Variants in DDX52 observed in about 807,000 individuals in gnomAD.
The protein encoded by DDX52 is DExD-box helicase 52.
Under a neutral mutation model 76.1 loss-of-function variants are expected in DDX52, and 59 were observed. That is an observed-to-expected ratio of 0.78 (90% CI 0.63 to 0.96). The LOEUF (loss-of-function observed/expected upper bound fraction) is 0.96, where lower values mean the gene tolerates loss of function less well. Among genes scored for constraint, DDX52 ranks in the 40% least tolerant of loss-of-function variants. The pLI, the probability that DDX52 is intolerant of heterozygous loss-of-function variation, is 0.00. For synonymous variants in DDX52, 231 were observed against 244.1 expected, an observed-to-expected ratio of 0.95 and a Z score of 0.50; for missense variants, 707 against 703.9, an observed-to-expected ratio of 1.00 and a Z score of -0.05.
chr17:37,640,687 G>GA lies in DDX52; in HGVS notation c.286+1422dup, dbSNP rs11432784. 1.7e-3 allele frequency among the ~76,000 whole-genome samples: 172 copies of GA among 101,730 alleles called. 1 individual carries two copies. Among genetic ancestry groups the GA allele is most frequent in the South Asian group, 8.0e-3 (30 of 3,756 alleles). The allele number at this position is 101,730 out of a possible 152,430, so 66.7% of individuals were successfully genotyped here. On this transcript the variant is annotated intron_variant, in intron 2 of 14. Coordinates refer to ENST00000617633, the MANE Select transcript of DDX52 (RefSeq NM_007010.5). ...TAAACAGCCCTAGAGTACAGTACAA[G>GA]AAAAAAAAAAAAAAAAAAGGCCAGG...
chr17:37,631,822 C>T (rs1255832691), intron 4 of DDX52: 1 of 442,902 alleles, frequency 2.3e-6, no homozygotes, highest in Non-Finnish European at 4.0e-6. Context: ...GGTGCGAATA[C>T]AAAGTAGTTT....
intron 7 of DDX52, 49 bp downstream of exon 7, chr17:37,626,739 T>G (rs762189186): frequency 7.7e-6 from 12 of 1,557,800 alleles, no homozygotes; most frequent in Non-Finnish European, 9.6e-6. Flanking sequence ...CAAAATATAA[T>G]TAACTAAATT....
chr17:37,622,411 A>G (rs1330999989), intron 9 of DDX52, among the ~76,000 whole-genome samples: 3 of 151,766 alleles, frequency 2.0e-5, no homozygotes, highest in Non-Finnish European at 4.4e-5. Flanking sequence ...CTCCTGCCTC[A>G]GCCTCCTGAG....
At chr17:37,642,383 G>C in intron 1 of DDX52, 75 bp from the exon 2 acceptor site, 1 of 1,471,536 alleles carries the variant, frequency 6.8e-7, no homozygotes, top group Non-Finnish European at 9.2e-7. Context: ...ACTGTTCAAT[G>C]ACTCCTCATC....
intron 3 of DDX52, among the ~76,000 whole-genome samples, chr17:37,632,613 A>T (rs899540900): frequency 6.6e-6 from 1 of 152,218 alleles, no homozygotes; most frequent in African/African-American, 2.4e-5. Flanking sequence ...ACATACAAGT[A>T]TCATTGCTTT....
rs765607708 is a variant in DDX52 at position 37,625,896 on chromosome 17, T to C, written c.1135A>G (p.Arg379Gly). The change falls in exon 8 of 15, where the codon AGG (arginine) becomes GGG (glycine). Residue 379 changes from arginine to glycine, a missense_variant and splice_region_variant. Physicochemically the swap from Arg to Gly is moderately radical, Grantham distance 125. Coordinates refer to ENST00000617633, the MANE Select transcript of DDX52 (RefSeq NM_007010.5). ...TAATGTTGAGAAACAATTAAATACC[T>C]TGCTCCAATGGACACACTGATGACA... ...DNVISVSIGARNSAVETVEQE... is the reference protein window; with the variant it reads ...DNVISVSIGAGNSAVETVEQE... 3.7e-6 allele frequency: 6 copies of C among 1,613,900 alleles called. No homozygotes were observed. The East Asian group carries it at 1.1e-4, about 30-fold the overall frequency.
At chr17:37,633,941 T>A (rs995872278) in intron 2 of DDX52, among the ~76,000 whole-genome samples, 17 of 83,064 alleles carry the variant, frequency 2.0e-4, no homozygotes, top group Admixed American at 8.6e-4. Flanking sequence ...ATTTCTTTCC[T>A]TTTTTTTTTT....
At chr17:37,620,797 A>G in intron 12 of DDX52, 76 bp downstream of exon 12, 1 of 1,349,192 alleles carries the variant, frequency 7.4e-7, no homozygotes, top group Non-Finnish European at 9.9e-7. Context: ...TTTTGTAATT[A>G]TCTCTTAATT....
chr17:37,616,662 C>CAAAAAAAAAAAAAAAAAA (rs1188716926), intron 14 of DDX52, among the ~76,000 whole-genome samples: 8 of 122,420 alleles, frequency 6.5e-5, no homozygotes, highest in African/African-American at 2.2e-4. Context: ...GACTCCATCT[C>CAAAAAAAAAAAAAAAAAA]AAAAAAAAAA....
intron 1 of DDX52, chr17:37,643,125 T>C (rs934170325): frequency 2.2e-6 from 1 of 461,582 alleles, no homozygotes. Flanking sequence ...CAACTAGGTC[T>C]ACAACAGGAT....
rs1181992077 is a variant in DDX52, at chr17:37,624,441, A to G, written c.1137-7T>C. The G allele has an allele frequency of 6.3e-7, 1 of 1,599,076 alleles. No homozygotes were observed. Among genetic ancestry groups the G allele is most frequent in the Non-Finnish European group, 8.5e-7 (1 of 1,170,614 alleles). ...AGTTTCTACTGCAGAATTCCTGGGA[A>G]GAAAATATACCTTGTAGTTTGTAAG... On this transcript the variant is annotated splice_region_variant and splice_polypyrimidine_tract_variant and intron_variant, in intron 8 of 14. Coordinates refer to ENST00000617633, the MANE Select transcript of DDX52 (RefSeq NM_007010.5).
Position 37,621,200 on chromosome 17 carries a change from A to T in DDX52, c.1428T>A (p.Ile476=), listed in dbSNP as rs771587883. 14 of 1,614,070 alleles carry T rather than the reference A, an allele frequency of 8.7e-6. No homozygotes were observed. The highest frequency in any genetic ancestry group is 1.2e-5 in the Non-Finnish European group (14 of 1,179,982). ...LICTALLARG[I]DFKGVNLVIN... ...TCACCAAGTTCACACCTTTAAAATCAATCCCTCTTGCTAGCAAGGCTGTAC... is the reference window on the plus strand; with the variant it reads ...TCACCAAGTTCACACCTTTAAAATCTATCCCTCTTGCTAGCAAGGCTGTAC... Residue 476 remains isoleucine, a synonymous_variant, in exon 11 of 15, where the codon ATT becomes ATA. Coordinates refer to ENST00000617633, the MANE Select transcript of DDX52 (RefSeq NM_007010.5).
In DDX52 at chr17:37,620,946, G is replaced by C; in HGVS notation, c.1504C>G (p.Arg502Gly). 1 of 1,587,472 alleles carries C rather than the reference G, an allele frequency of 6.3e-7. No individual in the cohort carries two copies. Among genetic ancestry groups the C allele is most frequent in the Non-Finnish European group, 8.5e-7 (1 of 1,172,654 alleles). ...SSVEYIHRIG[R>G]TGRAGNKGKA... is the part of the protein sequence containing the mutation. ...CCCTTATTCCCTGCTCTTCCAGTTC[G>C]ACCTAAGAAAAATTAGACCATTAAA... The change falls in exon 12 of 15, where the codon CGA (arginine) becomes GGA (glycine). Residue 502 changes from arginine to glycine, a missense_variant and splice_region_variant. Arg to Gly is a moderately radical substitution (Grantham distance 125). Transcript: ENST00000617633.
rs1054324957 is a variant in DDX52 at position 37,626,086 on chromosome 17, A to C, written c.945T>G (p.Leu315=). The C allele has an allele frequency of 1.2e-6, 2 of 1,614,232 alleles. No homozygotes were observed. The change falls in exon 8 of 15, where the codon CTT becomes CTG. Residue 315 remains leucine, a synonymous_variant. Coordinates refer to ENST00000617633, the MANE Select transcript of DDX52 (RefSeq NM_007010.5). ...PGIDLASVEW[L]VVDESDKLFE... is the part of the protein sequence containing the mutation. ...ACAGTTTATCTGATTCGTCTACTAC[A>C]AGCCACTCAACACTAAGAAATAACA...
At chr17:37,624,031 G>A in intron 9 of DDX52, 1 of 175,882 alleles carries the variant, frequency 5.7e-6, no homozygotes, top group East Asian at 1.5e-4. Context: ...GATTCTCAGG[G>A]CATCAGATAG....
chr17:37,624,402 A>G lies in DDX52; in HGVS notation c.1169T>C (p.Leu390Pro). 6.2e-7 allele frequency: 1 copy of G among 1,607,680 alleles called. No homozygotes were observed. Among genetic ancestry groups the G allele is most frequent in the Non-Finnish European group, 8.5e-7 (1 of 1,175,770 alleles). Residue 390 changes from leucine (L) to proline (P), a missense_variant, in exon 9 of 15, where the codon CTT becomes CCT. Transcript: ENST00000617633. The part of the protein sequence containing the change: ...NSAVETVEQE[L>P]LFVGSETGKL... ...TCCGGTCTCAGATCCAACAAAGAGA[A>G]GCTCTTGTTCTACAGTTTCTACTGC...
intron 8 of DDX52, 28 bp from the exon 9 acceptor site, chr17:37,624,462 G>T (rs1161659115): frequency 5.2e-6 from 8 of 1,525,550 alleles, no homozygotes; most frequent in African/African-American, 2.8e-5. Flanking sequence ...CTTGTAGTTT[G>T]TAAGAGTTAA....
chr17:37,637,408 GGCATGAGC>G, intron 2 of DDX52, among the ~76,000 whole-genome samples: 1 of 151,062 alleles, frequency 6.6e-6, no homozygotes, highest in Admixed American at 6.6e-5. Context: ...TGGGATTATA[GGCATGAGC>G]CACTGCTCCT....
intron 6 of DDX52, 36 bp from the exon 7 acceptor site, chr17:37,626,896 A>G: frequency 6.4e-7 from 1 of 1,562,214 alleles, no homozygotes; most frequent in South Asian, 1.1e-5. Context: ...TTGCAAAAAC[A>G]GGATTTATCC....
Sources: allele counts gnomAD v4.1 joint callset (sites outside exome capture counted in the v4.1 genomes callset), GRCh38; gene constraint gnomAD v4.1.1; transcripts MANE v1.5; gene names NCBI Gene and HGNC (gene_info 2026-07-23, HGNC 2026-07-21).